The following RPGRIP1L variants were observed in gnomAD, a reference collection of about 807,000 sequenced individuals.
RPGRIP1L encodes the protein RPGRIP1 like.
RPGRIP1L carries 131 observed loss-of-function variants against 160.4 expected under a neutral mutation model. The ratio of observed to expected loss-of-function variants is 0.82; its 90% CI spans 0.71 to 0.94. The LOEUF is 0.94. Ranked by LOEUF, RPGRIP1L falls within the 40% of genes least tolerant of loss-of-function variation. The pLI, the probability that RPGRIP1L is intolerant of heterozygous loss-of-function variation, is 0.00. For missense variants in RPGRIP1L, 1,522 were observed against 1,535.8 expected (o/e 0.99, Z 0.15); for synonymous variants, 510 against 515.8 (o/e 0.99, Z 0.15).
At chr16:53,639,426 T>C (rs548214045) in intron 19 of RPGRIP1L, among the ~76,000 whole-genome samples, 1 of 152,200 alleles carries the variant, frequency 6.6e-6, no homozygotes, top group Non-Finnish European at 1.5e-5. Context: ...TTTCTCCTGA[T>C]ATGAAACTTA....
At chr16:53,659,240 G>A in intron 10 of RPGRIP1L, 2 of 944,556 alleles carry the variant, frequency 2.1e-6, no homozygotes, top group South Asian at 4.7e-5. Flanking sequence ...AAAAGCATGT[G>A]GAAAAAAAAT....
chr16:53,629,051 G>A (rs1412430881), intron 22 of RPGRIP1L, among the ~76,000 whole-genome samples: 1 of 152,102 alleles, frequency 6.6e-6, no homozygotes, highest in African/African-American at 2.4e-5. Flanking sequence ...TTGCAGCAAT[G>A]TGAAGCAAGG....
At chr16:53,703,745 G>A in intron 1 of RPGRIP1L, 58 bp downstream of exon 1, 1 of 301,326 alleles carries the variant, frequency 3.3e-6, no homozygotes, top group Non-Finnish European at 6.6e-6. Context: ...GCGCTGCAGT[G>A]GGGAGGGTCA....
intron 9 of RPGRIP1L, among the ~76,000 whole-genome samples, chr16:53,665,308 CT>C (rs1163751137): frequency 2.6e-5 from 4 of 152,144 alleles, no homozygotes; most frequent in African/African-American, 9.7e-5. Context: ...ACTGTACATA[CT>C]CCAGAGGAAT....
At chr16:53,645,148 A>C (rs2151078970) in intron 17 of RPGRIP1L, among the ~76,000 whole-genome samples, 1 of 152,234 alleles carries the variant, frequency 6.6e-6, no homozygotes, top group African/African-American at 2.4e-5. Flanking sequence ...CAAAAATGCA[A>C]ATATGTACGT....
At chr16:53,690,397 CGT>C (rs965981294) in intron 4 of RPGRIP1L, among the ~76,000 whole-genome samples, 31 of 152,054 alleles carry the variant, frequency 2.0e-4, no homozygotes, top group African/African-American at 6.8e-4. Flanking sequence ...GGGGTTTCAC[CGT>C]GTTGGCCAGG....
Position 53,600,673 on chromosome 16 carries a change from AGCT to A in RPGRIP1L, c.*1400_*1402del, listed in dbSNP as rs1963341019. 6.6e-6 allele frequency: 1 copy of A among 152,648 alleles called. No individual in the cohort carries two copies. Among genetic ancestry groups the A allele is most frequent in the Admixed American group, 6.5e-5 (1 of 15,280 alleles). The allele number at this position is 152,648 out of a possible 1,614,324, so 9.5% of individuals were successfully genotyped here. Reference sequence around the variant, plus strand: ...ATTCATACTTGCATTTTTGCATTATAGCTGCTTTTTTTTTCTATTGAACTGTAA... The same window carrying A: ...ATTCATACTTGCATTTTTGCATTATAGCTTTTTTTTTCTATTGAACTGTAA... On this transcript the variant is annotated 3_prime_UTR_variant, in exon 27 of 27. Transcript: ENST00000647211.
chr16:53,637,512 G>T (rs1965915525), intron 21 of RPGRIP1L, among the ~76,000 whole-genome samples, 183 bp downstream of exon 21: 1 of 152,152 alleles, frequency 6.6e-6, no homozygotes, highest in African/African-American at 2.4e-5. Flanking sequence ...AATAAGAAGA[G>T]ATACAACAAT....
chr16:53,660,648 C>T (rs1367750699), intron 10 of RPGRIP1L, among the ~76,000 whole-genome samples: 1 of 151,998 alleles, frequency 6.6e-6, no homozygotes, highest in Non-Finnish European at 1.5e-5. Context: ...GTAATCCCAG[C>T]ACTTTGGGAG....
intron 25 of RPGRIP1L, among the ~76,000 whole-genome samples, chr16:53,609,079 T>C (rs1459200477): frequency 1.3e-5 from 2 of 152,168 alleles, no homozygotes; most frequent in Non-Finnish European, 2.9e-5. Context: ...GGAGTCATTA[T>C]AGTTACTGTG....
intron 3 of RPGRIP1L, chr16:53,694,432 C>CA (rs371033844): frequency 0.073 from 4,487 of 61,276 alleles, 139 homozygotes; most frequent in African/African-American, 0.13. Flanking sequence ...GACTTCCTCT[C>CA]AAAAAAAAAA....
Position 53,645,897 on chromosome 16 carries a change from G to A in RPGRIP1L, c.2411C>T (p.Ser804Phe). Residue 804 changes from serine (S) to phenylalanine (F), a missense_variant, in exon 17 of 27, where the codon TCC becomes TTC. Ser to Phe is a radical substitution (Grantham distance 155). Coordinates refer to ENST00000647211, the MANE Select transcript of RPGRIP1L (RefSeq NM_015272.5). ...ITIRCCNHLQ[S>F]RASHLQPHPY... ...GTGTGGCTGCAGGTGGCTTGCTCGG[G>A]ACTGCAGGTGGTTGCAACATCTTAT... is the stretch of plus-strand genomic sequence containing the variant. 1 of 1,614,092 alleles carries A rather than the reference G, an allele frequency of 6.2e-7. No individual in the cohort carries two copies. Among genetic ancestry groups the A allele is most frequent in the Non-Finnish European group, 8.5e-7 (1 of 1,180,010 alleles).
intron 6 of RPGRIP1L, among the ~76,000 whole-genome samples, chr16:53,679,414 T>G (rs1231487802): frequency 6.6e-6 from 1 of 152,146 alleles, no homozygotes; most frequent in African/African-American, 2.4e-5. Context: ...TTTTTCCTTT[T>G]TTTTTTAGAT....
intron 7 of RPGRIP1L, among the ~76,000 whole-genome samples, chr16:53,674,069 T>TAGCA (rs1968960011): frequency 6.6e-6 from 1 of 152,298 alleles, no homozygotes; most frequent in South Asian, 2.1e-4. Flanking sequence ...CATCTGTAGA[T>TAGCA]AGCACTATCA....
At chr16:53,673,151 T>C (rs1282220303) in intron 7 of RPGRIP1L, 135 bp from the exon 8 acceptor site, 1 of 850,916 alleles carries the variant, frequency 1.2e-6, no homozygotes, top group African/African-American at 1.7e-5. Flanking sequence ...GATTATTTTT[T>C]ACATAACAAA....
At chr16:53,625,082 C>A (rs1256570860) in intron 22 of RPGRIP1L, among the ~76,000 whole-genome samples, 1 of 152,178 alleles carries the variant, frequency 6.6e-6, no homozygotes, top group African/African-American at 2.4e-5. Flanking sequence ...GTTGCCCAGG[C>A]TGGAGTGCAG....
chr16:53,641,441 A>G lies in RPGRIP1L; in HGVS notation c.2718T>C (p.Pro906=), dbSNP rs1038661631. 15 of 1,614,038 alleles carry G rather than the reference A, an allele frequency of 9.3e-6. No homozygotes were observed. The highest frequency in any genetic ancestry group is 1.3e-5 in the Non-Finnish European group (15 of 1,179,920). ...IFELTDHQKH[P]AGTIHVILKW... ...TCAATATAACATGGATGGTGCCAGC[A>G]GGATGCTTTTGATGGTCTGTTAACT... Residue 906 remains proline, a synonymous_variant, in exon 18 of 27, where the codon CCT becomes CCC. Transcript: ENST00000647211.
intron 9 of RPGRIP1L, among the ~76,000 whole-genome samples, chr16:53,667,448 T>C (rs967833904): frequency 1.4e-4 from 22 of 152,152 alleles, no homozygotes; most frequent in African/African-American, 5.3e-4. Flanking sequence ...CATAAAGAAA[T>C]CCACAGTGGC....
chr16:53,606,596 A>G (rs1963699622), intron 25 of RPGRIP1L, among the ~76,000 whole-genome samples: 3 of 152,234 alleles, frequency 2.0e-5, no homozygotes, highest in Middle Eastern at 6.8e-3. Flanking sequence ...GTTTTTAGCT[A>G]GCAATAAGAA....
Sources: gnomAD v4.1 joint callset for allele counts (sites outside exome capture counted in the v4.1 genomes callset) on GRCh38, gnomAD v4.1.1 for gene constraint, MANE v1.5 for transcripts, NCBI Gene and HGNC (gene_info 2026-07-23, HGNC 2026-07-21) for gene names.